Variants in MAP3K19 observed in about 807,000 individuals in gnomAD.
The protein encoded by MAP3K19 is mitogen-activated protein kinase kinase kinase 19, also known as SPS1/STE20-related protein kinase YSK4.
A neutral mutation model predicts 114.4 loss-of-function variants in MAP3K19; 91 were observed. That is an observed-to-expected ratio of 0.80 (90% CI 0.67 to 0.95). The LOEUF is 0.95. MAP3K19 is among the 40% of genes least tolerant of loss of function. MAP3K19 has a pLI of 0.00. For synonymous variants in MAP3K19, 518 were observed against 530.5 expected, an observed-to-expected ratio of 0.98 and a Z score of 0.32; for missense variants, 1,471 against 1,573.2, an observed-to-expected ratio of 0.94 and a Z score of 1.10.
intron 10 of MAP3K19, 64 bp from the exon 11 acceptor site, chr2:134,983,889 G>T (rs980696864): frequency 8.7e-7 from 1 of 1,154,658 alleles, no homozygotes; most frequent in Non-Finnish European, 1.2e-6. Flanking sequence ...GAGAGAAAGG[G>T]GTGAGAGTAA....
intron 5 of MAP3K19, among the ~76,000 whole-genome samples, chr2:135,008,930 C>T (rs1021484193): frequency 7.2e-5 from 11 of 151,806 alleles, no homozygotes; most frequent in African/African-American, 2.4e-4. Context: ...AAGTATGTAC[C>T]ACCATGCCCT....
chr2:134,987,778 T>C lies in MAP3K19; in HGVS notation c.1094A>G (p.Gln365Arg). 1 of 1,607,964 alleles carries C rather than the reference T, an allele frequency of 6.2e-7. No homozygotes were observed. The highest frequency in any genetic ancestry group is 8.5e-7 in the Non-Finnish European group (1 of 1,180,000). Residue 365 changes from glutamine (Q) to arginine (R), a missense_variant, in exon 10 of 13, where the codon CAA becomes CGA. By Grantham distance (43) the Gln-to-Arg change is conservative (BLOSUM62 1). Coordinates refer to ENST00000392915, the MANE Select transcript of MAP3K19 (RefSeq NM_025052.5). ...CTCATTCTTTCTTGATGAAAGATAT[T>C]GAGAGTTCTCTTCTTCAGGTTTTCG... ...KTRKPEEENS[Q>R]YLSSRKNESS...
chr2:135,024,442 T>G (rs1688173449), intron 4 of MAP3K19, among the ~76,000 whole-genome samples, 184 bp downstream of exon 4: 1 of 152,220 alleles, frequency 6.6e-6, no homozygotes, highest in Non-Finnish European at 1.5e-5. Flanking sequence ...GTTTAAACCT[T>G]GCGTTAGACT....
chr2:135,042,417 G>A (rs887279886), intron 1 of MAP3K19, among the ~76,000 whole-genome samples: 5 of 150,736 alleles, frequency 3.3e-5, no homozygotes, highest in Non-Finnish European at 7.4e-5. Context: ...CAGGAGAATG[G>A]CGTGAACCCA....
chr2:134,971,381 T>C (rs1425168043), intron 12 of MAP3K19, among the ~76,000 whole-genome samples: 1 of 152,232 alleles, frequency 6.6e-6, no homozygotes, highest in Non-Finnish European at 1.5e-5. Context: ...TAGTTTTCTT[T>C]TTTTGTGGTT....
rs202144188 is a variant in MAP3K19, at chr2:135,001,124, TA to T, written c.236-1110del. ...GTGCCATTTAATGAAACAAGTGCAT[TA>T]AAAAAAAAAACACAGTAAAAAATTC... On this transcript the variant is annotated intron_variant, in intron 6 of 12. Transcript: ENST00000392915. Among the ~76,000 whole-genome samples, 720 of 145,928 alleles carry T rather than the reference TA, an allele frequency of 4.9e-3. 7 individuals are homozygous for T. The highest frequency in any genetic ancestry group is 0.016 in the African/African-American group (629 of 40,154).
chr2:134,967,549 T>C (rs1463027696), intron 12 of MAP3K19, among the ~76,000 whole-genome samples: 1 of 152,260 alleles, frequency 6.6e-6, no homozygotes, highest in Non-Finnish European at 1.5e-5. Context: ...TGTTATTCTT[T>C]ACTCCACTGA....
chr2:135,024,263 G>T (rs2105377798), intron 4 of MAP3K19, among the ~76,000 whole-genome samples: 1 of 152,262 alleles, frequency 6.6e-6, no homozygotes, highest in Non-Finnish European at 1.5e-5. Context: ...ACTTCTTGCT[G>T]TGGCTGTTTC....
At chr2:135,012,797 T>C (rs1687321602) in intron 5 of MAP3K19, among the ~76,000 whole-genome samples, 1 of 152,172 alleles carries the variant, frequency 6.6e-6, no homozygotes, top group Non-Finnish European at 1.5e-5. Context: ...TCCCAATACA[T>C]TTACCTTCTT....
chr2:134,986,455 T>A lies in MAP3K19; in HGVS notation c.2417A>T (p.Asp806Val). 2 of 1,614,110 alleles carry A rather than the reference T, an allele frequency of 1.2e-6. No homozygotes were observed. Among genetic ancestry groups the A allele is most frequent in the Non-Finnish European group, 1.7e-6 (2 of 1,180,020 alleles). The change falls in exon 10 of 13, where the codon GAT becomes GTT. Residue 806 changes from aspartate (D) to valine (V), a missense_variant. Physicochemically the swap from Asp to Val is radical, Grantham distance 152. Coordinates refer to ENST00000392915, the MANE Select transcript of MAP3K19 (RefSeq NM_025052.5). ...MKQNEFPPVS[D>V]LSIVEEVSME... ...AGAAACTTCTTCAACAATGGATAAA[T>A]CTGAGACAGGAGGGAATTCATTCTG...
intron 12 of MAP3K19, among the ~76,000 whole-genome samples, chr2:134,967,951 A>G (rs1254782522): frequency 6.6e-6 from 1 of 151,770 alleles, no homozygotes; most frequent in African/African-American, 2.4e-5. Context: ...AGGGAAGGTC[A>G]GCAGATAAAC....
intron 12 of MAP3K19, among the ~76,000 whole-genome samples, chr2:134,972,293 A>C (rs868145665): frequency 4.6e-5 from 7 of 151,960 alleles, no homozygotes; most frequent in East Asian, 1.9e-4. Context: ...TCTACTCTCT[A>C]TGTTAATGAA....
chr2:135,010,379 T>A (rs550712754), intron 5 of MAP3K19, among the ~76,000 whole-genome samples: 3 of 152,270 alleles, frequency 2.0e-5, no homozygotes, highest in African/African-American at 7.2e-5. Flanking sequence ...TAACCAGCAA[T>A]GACTTTAAGA....
At position 134,987,662 on chromosome 2, in the gene MAP3K19, G is replaced by C. The variant is rs967139450; in HGVS notation, c.1210C>G (p.Pro404Ala). The stretch of plus-strand genomic sequence containing the variant: ...TTTCTCATCTCTTCATCCTGGCTTG[G>C]AGTTATTTCTGAATGCTGGGTTTCT... ...FQETQHSEIT[P>A]SQDEEMRNNK... Residue 404 changes from proline to alanine, a missense_variant, in exon 10 of 13, where the codon CCA becomes GCA. By Grantham distance (27) the Pro-to-Ala change is conservative (BLOSUM62 -1). Coordinates refer to ENST00000392915, the MANE Select transcript of MAP3K19 (RefSeq NM_025052.5). 2 of 1,613,922 alleles carry C rather than the reference G, an allele frequency of 1.2e-6. No individual in the cohort carries two copies. Among genetic ancestry groups the C allele is most frequent in the African/African-American group, 1.3e-5 (1 of 75,008 alleles).
intron 5 of MAP3K19, among the ~76,000 whole-genome samples, chr2:135,011,536 C>CAAAA (rs61361416): frequency 5.2e-4 from 41 of 79,246 alleles, no homozygotes; most frequent in African/African-American, 1.5e-3. Context: ...GACTCTGTCT[C>CAAAA]AAAAAAAAAA....
rs765621815 is a variant in MAP3K19, at chr2:135,024,626, C to T, written c.22G>A (p.Glu8Lys). The T allele has an allele frequency of 1.9e-6, 3 of 1,613,312 alleles. No individual in the cohort carries two copies. The highest frequency in any genetic ancestry group is 2.5e-6 in the Non-Finnish European group (3 of 1,179,536). Residue 8 changes from glutamate (E) to lysine (K), a missense_variant and splice_region_variant, in exon 4 of 13, where the codon GAA becomes AAA. Glu to Lys is a moderately conservative substitution (Grantham distance 56). Coordinates refer to ENST00000392915, the MANE Select transcript of MAP3K19 (RefSeq NM_025052.5). MSSMPKPERHAESLLDIC... is the reference protein window; with the variant it reads MSSMPKPKRHAESLLDIC... ...ATGCATGTGGAGTGAAAGTATTTAC[C>T]TGGTTTTGGCATAGAACTCATTAAA...
At chr2:134,998,346 T>G (rs76975553) in intron 8 of MAP3K19, among the ~76,000 whole-genome samples, 4,623 of 152,260 alleles carry the variant, frequency 0.03, 238 homozygotes, top group African/African-American at 0.1. Flanking sequence ...AAGTCAACCA[T>G]AGTGCAAATC....
In MAP3K19 at chr2:135,034,293, G is replaced by T. The variant is rs375489869; in HGVS notation, c.-283-3793C>A. ...CCCCTCACTTCCCAGACGGGATGGC[G>T]GCCGGGAAGAGGCACTCCTCACTTT... On this transcript the variant is annotated intron_variant, in intron 2 of 12. Transcript: ENST00000392915. Among the ~76,000 whole-genome samples, 705 of 128,910 alleles carry T rather than the reference G, an allele frequency of 5.5e-3. 76 individuals carry two copies. Among genetic ancestry groups the T allele is most frequent in the Middle Eastern group, 0.023 (6 of 264 alleles). The allele number at this position is 128,910 out of a possible 152,430, so 84.6% of individuals were successfully genotyped here. A position where few individuals can be genotyped will look rare whatever the true frequency, so the allele number is the denominator to read the frequency against.
At chr2:134,997,899 TC>T (rs1256989321) in intron 8 of MAP3K19, among the ~76,000 whole-genome samples, 1 of 152,044 alleles carries the variant, frequency 6.6e-6, no homozygotes, top group African/African-American at 2.4e-5. Flanking sequence ...TAATAATTAT[TC>T]TTTTTTTTCT....
Sources: allele counts gnomAD v4.1 joint callset (sites outside exome capture counted in the v4.1 genomes callset), GRCh38; gene constraint gnomAD v4.1.1; transcripts MANE v1.5; gene names NCBI Gene and HGNC (gene_info 2026-07-23, HGNC 2026-07-21).